The following SGSH variants were observed in gnomAD, a reference collection of about 807,000 sequenced individuals.
SGSH encodes heparan sulfate sulfatase.
In SGSH, 48 loss-of-function variants were observed where a neutral mutation model predicts 51.0. The observed-to-expected ratio is 0.94, with a 90% CI of 0.75 to 1.20. The LOEUF (loss-of-function observed/expected upper bound fraction) is 1.20. Among genes scored for constraint, SGSH ranks in the 50% most tolerant of loss-of-function variants. SGSH has a pLI of 0.00. For missense variants in SGSH, 662 were observed against 717.8 expected (o/e 0.92, Z 0.89); for synonymous variants, 321 against 313.4 (o/e 1.02, Z -0.26).
intron 4 of SGSH, 23 bp from the exon 5 acceptor site, chr17:80,214,351 C>T: frequency 6.2e-7 from 1 of 1,607,732 alleles, no homozygotes; most frequent in Non-Finnish European, 8.5e-7. Context: ...AGGCTCATTG[C>T]CAAGGCTGCG....
downstream of SGSH, chr17:80,205,511 C>T (rs757458391): frequency 3.2e-6 from 5 of 1,578,526 alleles, no homozygotes; most frequent in South Asian, 5.8e-5. Context: ...TATGATGGCC[C>T]CGTCCAATGT....
intron 2 of SGSH, among the ~76,000 whole-genome samples, chr17:80,216,301 C>T (rs2041890547): frequency 6.6e-6 from 1 of 151,986 alleles, no homozygotes; most frequent in Non-Finnish European, 1.5e-5. Flanking sequence ...AGCACTCCAG[C>T]CTGGGTGACA....
chr17:80,212,270 A>G lies in SGSH; in HGVS notation c.750T>C (p.Val250=). 1 of 1,606,718 alleles carries G rather than the reference A, an allele frequency of 6.2e-7. No homozygotes were observed. The highest frequency in any genetic ancestry group is 1.1e-5 in the South Asian group (1 of 90,114). The change falls in exon 7 of 8, where the codon GTT becomes GTC. Residue 250 remains valine, a synonymous_variant. Transcript: ENST00000326317. The surrounding 1 kb of genome is among the most constrained non-coding windows in gnomAD (Gnocchi z 5.9). ...CACGCAGCTCCTGGAGCACCAGTCC[A>G]ACTCCTGTGGTGAGGGGCCGAGAAG... ...YTTVGRMDQG[V]GLVLQELRDA...
chr17:80,211,221 G>A, intron 7 of SGSH: 3 of 1,394,810 alleles, frequency 2.2e-6, no homozygotes, highest in Non-Finnish European at 2.8e-6. Flanking sequence ...CTGATTCGGT[G>A]ACATTTAGGA....
chr17:80,209,302 A>C lies in SGSH; in HGVS notation c.*1150T>G. Reference sequence around the variant, plus strand: ...GAGTTCAGAAAAAGAACTTCTGTATATTTTACTAAAATAAAAAGCTTTTAC... The same window carrying C: ...GAGTTCAGAAAAAGAACTTCTGTATCTTTTACTAAAATAAAAAGCTTTTAC... On this transcript the variant is annotated 3_prime_UTR_variant, in exon 8 of 8. Coordinates refer to ENST00000326317, the MANE Select transcript of SGSH (RefSeq NM_000199.5). 1.0e-6 allele frequency: 1 copy of C among 984,934 alleles called. No homozygotes were observed. Among genetic ancestry groups the C allele is most frequent in the Middle Eastern group, 5.2e-4 (1 of 1,914 alleles). The allele number at this position is 984,934 out of a possible 1,614,324, so 61.0% of individuals were successfully genotyped here.
downstream of SGSH, chr17:80,201,989 A>C: frequency 7.2e-7 from 1 of 1,391,244 alleles, no homozygotes; most frequent in South Asian, 1.4e-5. The surrounding 1 kb of genome is among the most constrained non-coding windows in gnomAD (Gnocchi z 5.0). Flanking sequence ...AGAGAGGATC[A>C]GCCAGGCTGT....
At chr17:80,204,971 G>C (rs2041203386), downstream of SGSH, 2 of 1,402,606 alleles carry the variant, frequency 1.4e-6, no homozygotes, top group Admixed American at 4.9e-5. Context: ...TCCCTCCCGG[G>C]GCAGGGTAGG....
intron 3 of SGSH, 119 bp from the exon 4 acceptor site, chr17:80,214,884 A>C: frequency 7.5e-7 from 1 of 1,341,510 alleles, no homozygotes. Flanking sequence ...CAGCCCAGCC[A>C]GGAGACCCAG....
chr17:80,219,916 A>G (rs558730428), intron 1 of SGSH: 2 of 318,744 alleles, frequency 6.3e-6, no homozygotes, highest in East Asian at 9.8e-5. Context: ...CCCTCCCAAG[A>G]GGGATTTGAG....
downstream of SGSH, chr17:80,208,193 CAGG>C (rs937454631): frequency 1.2e-5 from 19 of 1,552,666 alleles, no homozygotes; most frequent in African/African-American, 2.7e-5. Flanking sequence ...GGCTGCGAGG[CAGG>C]AGGAGGGAGA....
At chr17:80,201,735 T>A (rs1046769249), downstream of SGSH, 3 of 1,613,976 alleles carry the variant, frequency 1.9e-6, no homozygotes, top group Non-Finnish European at 2.5e-6. This position sits in a 1 kb window ranked among gnomAD's most constrained non-coding sequence, Gnocchi z 5.0. Context: ...CTTCTCGACT[T>A]GCCCTCAGGT....
Position 80,213,379 on chromosome 17 carries a change from C to T in SGSH, c.745+425G>A, listed in dbSNP as rs2041752079. ...CCTAGGCCTTCAGGGGAGCATGGCC[C>T]TGCTGACACCTTGATTTCAAACTTC... On this transcript the variant is annotated intron_variant, in intron 6 of 7. Transcript: ENST00000326317. This position sits in a 1 kb window ranked among gnomAD's most constrained non-coding sequence, Gnocchi z 4.6. The T allele has an allele frequency of 9.3e-6, 2 of 214,736 alleles. No homozygotes were observed. The highest frequency in any genetic ancestry group is 1.9e-5 in the Non-Finnish European group (2 of 105,792). 13.3% of individuals were successfully genotyped at this position (214,736 alleles called of 1,614,324 possible).
In SGSH at chr17:80,210,838, G is replaced by T. The variant is rs1598738555; in HGVS notation, c.1123C>A (p.Pro375Thr). Reference protein sequence around the residue: ...QSHHEVTMSYPMRSVQHRHFR... With the variant: ...QSHHEVTMSYTMRSVQHRHFR... ...TGCCGGTGCTGCACGGAGCGCATGG[G>T]GTAGGACATGGTGACCTCGTGGTGG... is the stretch of plus-strand genomic sequence containing the variant. Residue 375 changes from proline (P) to threonine (T), a missense_variant, in exon 8 of 8, where the codon CCC (proline) becomes ACC (threonine). Pro to Thr is a conservative substitution (Grantham distance 38). Transcript: ENST00000326317. The T allele has an allele frequency of 6.2e-7, 1 of 1,613,962 alleles. No homozygotes were observed. Among genetic ancestry groups the T allele is most frequent in the Non-Finnish European group, 8.5e-7 (1 of 1,180,036 alleles).
rs2041573847 is a variant in SGSH, at chr17:80,210,128, G to T, written c.*324C>A. 1.9e-5 allele frequency: 23 copies of T among 1,235,532 alleles called. No homozygotes were observed. Among genetic ancestry groups the T allele is most frequent in the Admixed American group, 3.8e-5 (1 of 26,616 alleles). The allele number at this position is 1,235,532 out of a possible 1,614,324, so 76.5% of individuals were successfully genotyped here. ...AGAAAACAAGACTCCCTTGTCATGG[G>T]CTGGGGGCGCTGCCCTGTCCGCAGA... On this transcript the variant is annotated 3_prime_UTR_variant, in exon 8 of 8. Transcript: ENST00000326317.
downstream of SGSH, chr17:80,205,372 C>T: frequency 4.2e-6 from 5 of 1,179,706 alleles, no homozygotes; most frequent in Admixed American, 2.2e-5. Context: ...GTGCAGGGCA[C>T]AGAGCGGGGT....
Position 80,220,245 on chromosome 17 carries a change from C to A in SGSH, c.69G>T (p.Arg23=). 3.3e-6 allele frequency: 5 copies of A among 1,523,430 alleles called. No individual in the cohort carries two copies. Among genetic ancestry groups the A allele is most frequent in the Non-Finnish European group, 4.4e-6 (5 of 1,142,042 alleles). The allele number at this position is 1,523,430 out of a possible 1,614,324, so 94.4% of individuals were successfully genotyped here. ...ACTCACCGAGGAGCAGCAGTGCGTT[C>A]CGGGGACGCGCCCGGCAGAGCCCCA... is the stretch of plus-strand genomic sequence containing the variant. ...LVLGLCRARP[R]NALLLLADDG... The change falls in exon 1 of 8, where the codon CGG becomes CGT. Residue 23 remains arginine (R), a synonymous_variant. Coordinates refer to ENST00000326317, the MANE Select transcript of SGSH (RefSeq NM_000199.5).
In SGSH at chr17:80,212,321, G is replaced by C. The variant is rs777156873; in HGVS notation, c.746-47C>G. 1.3e-6 allele frequency: 2 copies of C among 1,519,578 alleles called. No homozygotes were observed. Among genetic ancestry groups the C allele is most frequent in the East Asian group, 2.4e-5 (1 of 41,410 alleles). 94.1% of individuals were successfully genotyped at this position (1,519,578 alleles called of 1,614,324 possible). A position where few individuals can be genotyped will look rare whatever the true frequency, so the allele number is the denominator to read the frequency against. ...CAGAGCTCAGCCGCAGACACGGAGG[G>C]AGGCAGCGGGTGGTGTGTGTAGACC... On this transcript the variant is annotated intron_variant, in intron 6 of 7. Coordinates refer to ENST00000326317, the MANE Select transcript of SGSH (RefSeq NM_000199.5). This position sits in a 1 kb window ranked among gnomAD's most constrained non-coding sequence, Gnocchi z 5.9.
At chr17:80,211,141 C>T (rs953640967) in intron 7 of SGSH, 130 bp from the exon 8 acceptor site, 8 of 1,524,024 alleles carry the variant, frequency 5.2e-6, no homozygotes, top group Non-Finnish European at 6.1e-6. Context: ...GGTGCCTTGT[C>T]GAGCCGACAC....
At position 80,210,070 on chromosome 17, in the gene SGSH, A is replaced by T; in HGVS notation, c.*382T>A. On this transcript the variant is annotated 3_prime_UTR_variant, in exon 8 of 8. Coordinates refer to ENST00000326317, the MANE Select transcript of SGSH (RefSeq NM_000199.5). ...GCTGCCAAAGCCTGAAGAGGGCCTCAGGCCTCCCATTTGCAGGTCCCCAAA... is the reference window on the plus strand; with the variant it reads ...GCTGCCAAAGCCTGAAGAGGGCCTCTGGCCTCCCATTTGCAGGTCCCCAAA... 1 of 1,120,316 alleles carries T rather than the reference A, an allele frequency of 8.9e-7. No homozygotes were observed. Among genetic ancestry groups the T allele is most frequent in the Non-Finnish European group, 1.1e-6 (1 of 910,948 alleles). The allele number at this position is 1,120,316 out of a possible 1,614,324, so 69.4% of individuals were successfully genotyped here.
Sources: allele counts gnomAD v4.1 joint callset (sites outside exome capture counted in the v4.1 genomes callset), GRCh38; gene constraint gnomAD v4.1.1; non-coding constraint Gnocchi (gnomAD v3.1); transcripts MANE v1.5; gene names NCBI Gene and HGNC (gene_info 2026-07-23, HGNC 2026-07-21).